The following ZNF438 variants were observed in gnomAD, a reference collection of about 807,000 sequenced individuals.
The protein encoded by ZNF438 is zinc finger protein 438.
In ZNF438, 25 loss-of-function variants were observed where a neutral mutation model predicts 38.0. The observed-to-expected ratio is 0.66, with a 90% CI of 0.48 to 0.92. The LOEUF is 0.92. ZNF438 is among the 40% of genes least tolerant of loss of function. The pLI, the probability that ZNF438 is intolerant of heterozygous loss-of-function variation, is 0.00. For synonymous variants in ZNF438, 372 were observed against 364.1 expected (o/e 1.02, Z -0.25); for missense variants, 1,007 against 999.6 (o/e 1.01, Z -0.10).
At chr10:30,952,844 C>T (rs1210070427) in intron 1 of ZNF438, among the ~76,000 whole-genome samples, 2 of 75,990 alleles carry the variant, frequency 2.6e-5, no homozygotes, top group South Asian at 5.3e-4. Context: ...GTCAGTGTGG[C>T]GATTCCTCAG....
chr10:30,944,135 ATC>A (rs987037053), intron 1 of ZNF438, among the ~76,000 whole-genome samples: 6 of 152,106 alleles, frequency 3.9e-5, no homozygotes, highest in African/African-American at 1.4e-4. Context: ...CAAAACACCA[ATC>A]TCTCTCCCTC....
chr10:30,875,197 T>A, intron 4 of ZNF438: 9 of 950,078 alleles, frequency 9.5e-6, no homozygotes, highest in Non-Finnish European at 1.1e-5. Context: ...GCTTATGTGA[T>A]AGCCCAGAGA....
rs114248133 is a variant in ZNF438, at chr10:30,956,785, C to T, written c.-191-15134G>A. ...GACATATTTTATTTATCCATTCATA[C>T]ACTAATAAACACTTAGGTTGATTCC... On this transcript the variant is annotated intron_variant, in intron 1 of 5. Coordinates refer to ENST00000413025, the Ensembl canonical transcript of ZNF438. Among the ~76,000 whole-genome samples the T allele has an allele frequency of 5.4e-3, 818 of 152,192 alleles. 6 individuals are homozygous for T. The highest frequency in any genetic ancestry group is 0.019 in the African/African-American group (785 of 41,518).
At chr10:30,960,216 T>C (rs1361147440) in intron 1 of ZNF438, among the ~76,000 whole-genome samples, 3 of 147,414 alleles carry the variant, frequency 2.0e-5, no homozygotes, top group African/African-American at 7.3e-5. Flanking sequence ...TTTCTCCCAG[T>C]CTGCAGCCTA....
At chr10:30,889,119 T>G (rs568848199) in intron 3 of ZNF438, among the ~76,000 whole-genome samples, 1 of 152,330 alleles carries the variant, frequency 6.6e-6, no homozygotes, top group East Asian at 1.9e-4. Flanking sequence ...TACTCATCAT[T>G]TGCTCAATTG....
chr10:30,850,511 C>T (rs2033401897), intron 4 of ZNF438, 144 bp from the exon 6 acceptor site: 1 of 851,624 alleles, frequency 1.2e-6, no homozygotes, highest in Non-Finnish European at 1.7e-6. Context: ...TTGTGTCCCT[C>T]AAGACCAGCT....
exon 6 of ZNF438, chr10:30,844,848 C>G: frequency 4.6e-6 from 6 of 1,318,254 alleles, no homozygotes; most frequent in Middle Eastern, 5.5e-4. Flanking sequence ...TTTCTGTTCA[C>G]TCACACCAAT....
At chr10:30,937,305 T>C (rs1214057591) in intron 2 of ZNF438, among the ~76,000 whole-genome samples, 1 of 152,212 alleles carries the variant, frequency 6.6e-6, no homozygotes, top group Admixed American at 6.5e-5. Context: ...TCAAATTTAA[T>C]GCTAAAAATA....
At chr10:30,857,837 A>G in intron 4 of ZNF438, 11 of 1,144,122 alleles carry the variant, frequency 9.6e-6, no homozygotes, top group Non-Finnish European at 1.3e-5. Context: ...GCTCAATAGC[A>G]CTAGGTGCCA....
At chr10:31,024,230 T>A (rs1235922679) in intron 1 of ZNF438, among the ~76,000 whole-genome samples, 2 of 152,236 alleles carry the variant, frequency 1.3e-5, no homozygotes, top group Non-Finnish European at 2.9e-5. Flanking sequence ...TTATTTAATA[T>A]CTCTAAACCA....
At chr10:30,907,224 C>T (rs1453722810) in intron 3 of ZNF438, among the ~76,000 whole-genome samples, 1 of 152,188 alleles carries the variant, frequency 6.6e-6, no homozygotes, top group Admixed American at 6.5e-5. Context: ...ACCCACCTGC[C>T]TTAGCCTCCC....
intron 1 of ZNF438, among the ~76,000 whole-genome samples, chr10:30,991,127 G>A (rs1033205162): frequency 1.3e-5 from 2 of 152,208 alleles, no homozygotes; most frequent in Non-Finnish European, 2.9e-5. Flanking sequence ...TCCAAGCTCT[G>A]ACTTATGTCT....
At chr10:31,003,595 T>C (rs1253531303) in intron 1 of ZNF438, among the ~76,000 whole-genome samples, 1 of 152,194 alleles carries the variant, frequency 6.6e-6, no homozygotes, top group African/African-American at 2.4e-5. Flanking sequence ...ACAAGTGCAT[T>C]CTTCTCAGGG....
chr10:30,911,242 C>T (rs2043051096), intron 2 of ZNF438, among the ~76,000 whole-genome samples: 1 of 152,074 alleles, frequency 6.6e-6, no homozygotes, highest in Non-Finnish European at 1.5e-5. Flanking sequence ...CTTCTCTCAC[C>T]ATTTATTTAG....
intron 1 of ZNF438, among the ~76,000 whole-genome samples, chr10:31,019,831 G>C (rs1396259840): frequency 6.6e-6 from 1 of 152,080 alleles, no homozygotes; most frequent in Non-Finnish European, 1.5e-5. Context: ...CAAGGTATCT[G>C]TATTTTTATT....
At chr10:31,013,074 C>T (rs922505290) in intron 1 of ZNF438, among the ~76,000 whole-genome samples, 3 of 152,044 alleles carry the variant, frequency 2.0e-5, no homozygotes, top group South Asian at 2.1e-4. Flanking sequence ...AATCCCAGCA[C>T]TTTGGGAGGC....
Position 31,024,627 on chromosome 10 carries a change from C to CA in ZNF438, c.-192+7205dup, listed in dbSNP as rs372984714. Among the ~76,000 whole-genome samples, 448 of 128,228 alleles carry CA rather than the reference C, an allele frequency of 3.5e-3. 2 individuals are homozygous for CA. Among genetic ancestry groups the CA allele is most frequent in the African/African-American group, 7.0e-3 (243 of 34,660 alleles). The allele number at this position is 128,228 out of a possible 152,430, so 84.1% of individuals were successfully genotyped here. On this transcript the variant is annotated intron_variant, in intron 1 of 5. Coordinates refer to ENST00000413025, the Ensembl canonical transcript of ZNF438. ...TGAGCGACAGAGCGAGACTCTGTCT[C>CA]AAAAAAAAAAAAAGATTCCTAGGTA...
At chr10:31,006,858 T>C (rs1402470465) in intron 1 of ZNF438, among the ~76,000 whole-genome samples, 1 of 151,752 alleles carries the variant, frequency 6.6e-6, no homozygotes, top group Non-Finnish European at 1.5e-5. Flanking sequence ...AAAAAAACCA[T>C]TTTGAGTGTG....
intron 1 of ZNF438, chr10:30,999,523 T>G (rs1343502540): frequency 6.6e-6 from 1 of 152,420 alleles, no homozygotes; most frequent in African/African-American, 2.4e-5. Context: ...TTAATGCTAC[T>G]TCCTCAGGAA....
Sources: gnomAD v4.1 joint callset for allele counts (sites outside exome capture counted in the v4.1 genomes callset) on GRCh38, gnomAD v4.1.1 for gene constraint, MANE v1.5 for transcripts, NCBI Gene and HGNC (gene_info 2026-07-23, HGNC 2026-07-21) for gene names.